The following CNTLN variants were observed in gnomAD, a reference collection of about 807,000 sequenced individuals.
CNTLN encodes the protein centlein.
A neutral mutation model predicts 180.0 loss-of-function variants in CNTLN; 212 were observed. That is an observed-to-expected ratio of 1.18 (90% CI 1.05 to 1.32). The LOEUF (loss-of-function observed/expected upper bound fraction) is 1.32. CNTLN is among the 40% of genes most tolerant of loss of function. The pLI is 0.00. For missense variants in CNTLN, 2,095 were observed against 1,610.9 expected, an observed-to-expected ratio of 1.30 and a Z score of -5.14; for synonymous variants, 722 against 563.1, an observed-to-expected ratio of 1.28 and a Z score of -3.99.
At chr9:17,322,366 A>G (rs948969049) in intron 8 of CNTLN, among the ~76,000 whole-genome samples, 2 of 152,138 alleles carry the variant, frequency 1.3e-5, no homozygotes, top group African/African-American at 4.8e-5. Context: ...TATATTCACA[A>G]AATTTGAACT....
At chr9:17,399,043 A>G (rs964564234) in intron 15 of CNTLN, among the ~76,000 whole-genome samples, 1 of 152,182 alleles carries the variant, frequency 6.6e-6, no homozygotes, top group Admixed American at 6.5e-5. Flanking sequence ...TTCATCTACC[A>G]TTAGTTTTCC....
At chr9:17,500,800 AT>A (rs1833708588) in intron 25 of CNTLN, among the ~76,000 whole-genome samples, 1 of 151,976 alleles carries the variant, frequency 6.6e-6, no homozygotes, top group East Asian at 1.9e-4. Flanking sequence ...GCGTGACATC[AT>A]TTAAATGAAA....
At chr9:17,387,801 A>G (rs1447033159) in intron 13 of CNTLN, among the ~76,000 whole-genome samples, 1 of 152,122 alleles carries the variant, frequency 6.6e-6, no homozygotes, top group African/African-American at 2.4e-5. Context: ...CCAGAGAACA[A>G]AACTAGTAGT....
intron 23 of CNTLN, among the ~76,000 whole-genome samples, chr9:17,479,828 T>C (rs1426596537): frequency 1.3e-5 from 2 of 152,144 alleles, no homozygotes; most frequent in Admixed American, 6.5e-5. Context: ...AGCTGAAATG[T>C]ATCTTTTGAA....
chr9:17,427,325 G>C (rs1417831086), intron 18 of CNTLN, among the ~76,000 whole-genome samples: 7 of 145,290 alleles, frequency 4.8e-5, no homozygotes, highest in Non-Finnish European at 1.0e-4. Context: ...TACTCGAAAA[G>C]AATACTTGAT....
chr9:17,295,785 C>T (rs1277263357), intron 6 of CNTLN, among the ~76,000 whole-genome samples: 1 of 151,830 alleles, frequency 6.6e-6, no homozygotes, highest in Non-Finnish European at 1.5e-5. Flanking sequence ...TTGTACTTTC[C>T]CGAGGGTTGT....
chr9:17,256,364 T>C (rs1411963626), intron 5 of CNTLN, among the ~76,000 whole-genome samples: 1 of 152,014 alleles, frequency 6.6e-6, no homozygotes, highest in East Asian at 1.9e-4. Context: ...ACTGAACTAA[T>C]TTTCAAACCT....
intron 13 of CNTLN, among the ~76,000 whole-genome samples, chr9:17,369,111 T>A (rs1007732914): frequency 3.0e-4 from 46 of 152,120 alleles, no homozygotes; most frequent in Non-Finnish European, 7.4e-5. Context: ...GTGGAGGTAA[T>A]TGAATCATGG....
Position 17,302,507 on chromosome 9 carries a change from T to C in CNTLN, c.1146+4155T>C, listed in dbSNP as rs538338146. ...AGCCACTGTGCCTGGCCCAATTCACTTTTAATTAGTTCGTACATAACATAC... is the reference window on the plus strand; with the variant it reads ...AGCCACTGTGCCTGGCCCAATTCACCTTTAATTAGTTCGTACATAACATAC... On this transcript the variant is annotated intron_variant, in intron 7 of 25. Transcript: ENST00000380647. Among the ~76,000 whole-genome samples the C allele has an allele frequency of 5.9e-5, 9 of 152,242 alleles. No homozygotes were observed. The East Asian group carries it at 1.5e-3, about 26-fold the overall frequency.
intron 2 of CNTLN, among the ~76,000 whole-genome samples, chr9:17,148,533 T>C (rs1186701993): frequency 6.6e-6 from 1 of 152,204 alleles, no homozygotes; most frequent in Admixed American, 6.5e-5. Flanking sequence ...CCCATTGTTT[T>C]CTCCCTATGG....
chr9:17,180,189 G>A (rs1445702833), intron 2 of CNTLN, among the ~76,000 whole-genome samples: 7 of 146,146 alleles, frequency 4.8e-5, no homozygotes, highest in Non-Finnish European at 7.5e-5. Context: ...TAGCATTTAC[G>A]TGTGTCATTT....
chr9:17,490,098 A>G (rs1208767987), intron 25 of CNTLN, among the ~76,000 whole-genome samples: 1 of 152,154 alleles, frequency 6.6e-6, no homozygotes, highest in Non-Finnish European at 1.5e-5. Context: ...AAAGATAGAA[A>G]TAGGAAAAGT....
intron 5 of CNTLN, among the ~76,000 whole-genome samples, chr9:17,270,758 G>A (rs184007600): frequency 1.7e-4 from 26 of 152,018 alleles, no homozygotes; most frequent in African/African-American, 3.9e-4. Context: ...TTGATTAAAT[G>A]TGTTGATATT....
intron 7 of CNTLN, among the ~76,000 whole-genome samples, chr9:17,305,521 G>GTTTT (rs34010980): frequency 6.8e-6 from 1 of 147,620 alleles, no homozygotes; most frequent in Non-Finnish European, 1.5e-5. Context: ...CTTGAGCACT[G>GTTTT]TTTTTTTTTT....
chr9:17,417,960 T>G (rs541816461), intron 18 of CNTLN, among the ~76,000 whole-genome samples: 1 of 152,040 alleles, frequency 6.6e-6, no homozygotes, highest in Non-Finnish European at 1.5e-5. Context: ...TTAGAGAGAG[T>G]ATAGTATAGA....
intron 2 of CNTLN, among the ~76,000 whole-genome samples, chr9:17,209,922 T>G (rs929029211): frequency 6.6e-6 from 1 of 152,306 alleles, no homozygotes; most frequent in Middle Eastern, 3.4e-3. Context: ...AAGTAAATAT[T>G]TTTCCATCTT....
intron 14 of CNTLN, among the ~76,000 whole-genome samples, chr9:17,392,183 C>G (rs897718789): frequency 6.6e-6 from 1 of 152,120 alleles, no homozygotes; most frequent in Non-Finnish European, 1.5e-5. Flanking sequence ...GGGAGGATCA[C>G]TTGAGCCCAG....
chr9:17,287,797 A>T (rs1320186417), intron 6 of CNTLN, among the ~76,000 whole-genome samples: 3 of 146,452 alleles, frequency 2.0e-5, no homozygotes, highest in Non-Finnish European at 4.5e-5. Context: ...ATTTGCGTAG[A>T]GGTGTTTGTA....
At chr9:17,399,257 T>C (rs1826778896) in intron 15 of CNTLN, among the ~76,000 whole-genome samples, 1 of 152,224 alleles carries the variant, frequency 6.6e-6, no homozygotes, top group African/African-American at 2.4e-5. Context: ...TTTTCACTTG[T>C]TAATCTGTCT....
Sources: gnomAD v4.1 joint callset for allele counts (sites outside exome capture counted in the v4.1 genomes callset) on GRCh38, gnomAD v4.1.1 for gene constraint, MANE v1.5 for transcripts, NCBI Gene and HGNC (gene_info 2026-07-23, HGNC 2026-07-21) for gene names.